Variants in CCDC88C observed in about 807,000 individuals in gnomAD.
CCDC88C encodes coiled-coil and HOOK domain protein 88C.
In CCDC88C, 131 loss-of-function variants were observed where a neutral mutation model predicts 198.8. That is an observed-to-expected ratio of 0.66 (90% confidence interval 0.57 to 0.76). CCDC88C has a LOEUF of 0.76. Among genes scored for constraint, CCDC88C ranks in the 30% least tolerant of loss-of-function variants. The probability of loss-of-function intolerance (pLI) is 0.00; values close to 1 mark genes in which losing one functional copy is unlikely to be tolerated. For missense variants in CCDC88C, 2,553 were observed against 2,631.6 expected (o/e 0.97, Z 0.65); for synonymous variants, 1,166 against 1,114.7 (o/e 1.05, Z -0.92).
At chr14:91,328,049 G>A (rs1227337506) in intron 10 of CCDC88C, among the ~76,000 whole-genome samples, 2 of 152,194 alleles carry the variant, frequency 1.3e-5, no homozygotes, top group Non-Finnish European at 2.9e-5. Flanking sequence ...GGACTGTTGT[G>A]CTTTTGCTCT....
At position 91,352,936 on chromosome 14, in the gene CCDC88C, G is replaced by A. The variant is rs1893881610; in HGVS notation, c.340+6706C>T. On this transcript the variant is annotated intron_variant, in intron 4 of 29. Transcript: ENST00000389857. This position sits in a 1 kb window ranked among gnomAD's most constrained non-coding sequence, Gnocchi z 4.2. ...CCTGTGCCTGGGTTGCCAGGATGGA[G>A]GTCAGTAAGCCTGGGGCACACCCAG... is the stretch of plus-strand genomic sequence containing the variant. 6.6e-6 allele frequency among the ~76,000 whole-genome samples: 1 copy of A among 152,208 alleles called. No homozygotes were observed. Among genetic ancestry groups the A allele is most frequent in the African/African-American group, 2.4e-5 (1 of 41,462 alleles).
chr14:91,291,715 G>A (rs991679597), intron 23 of CCDC88C, among the ~76,000 whole-genome samples: 6 of 152,130 alleles, frequency 3.9e-5, no homozygotes, highest in African/African-American at 1.4e-4. Context: ...GCACAGTGGG[G>A]CGGACTTCCC....
At chr14:91,383,316 C>A (rs931568989) in intron 3 of CCDC88C, among the ~76,000 whole-genome samples, 1 of 152,238 alleles carries the variant, frequency 6.6e-6, no homozygotes, top group Non-Finnish European at 1.5e-5. Context: ...GGCCATGCTG[C>A]CGTGGGGGGC....
chr14:91,410,924 G>C (rs942632853), intron 2 of CCDC88C, among the ~76,000 whole-genome samples: 19 of 152,202 alleles, frequency 1.2e-4, no homozygotes, highest in Admixed American at 1.2e-3. Flanking sequence ...TCCAGCACGT[G>C]CAAAGGCATA....
intron 27 of CCDC88C, 149 bp downstream of exon 27, chr14:91,281,308 C>T (rs1047867530): frequency 6.5e-7 from 1 of 1,528,880 alleles, no homozygotes; most frequent in African/African-American, 1.4e-5. Flanking sequence ...CGCTCAGCCC[C>T]CTGGGGAGGG....
In CCDC88C at chr14:91,307,059, C is replaced by CCGGTCCTT; in HGVS notation, c.3166_3173dup (p.Ala1059ArgfsTer21). On this transcript the variant is annotated frameshift_variant, in exon 18 of 30. Transcript: ENST00000389857. LOFTEE classifies it high-confidence loss of function. The stretch of plus-strand genomic sequence containing the variant: ...TCACATTCCGCTCCAGCTCGATGGC[C>CCGGTCCTT]CGGTCCTTCACTCGGAGAAGCTCCA... 1 of 1,613,158 alleles carries CCGGTCCTT rather than the reference C, an allele frequency of 6.2e-7. No individual in the cohort carries two copies. Among genetic ancestry groups the CCGGTCCTT allele is most frequent in the Non-Finnish European group, 8.5e-7 (1 of 1,179,470 alleles).
intron 13 of CCDC88C, among the ~76,000 whole-genome samples, chr14:91,317,927 C>T (rs958227498): frequency 9.9e-5 from 15 of 152,240 alleles, no homozygotes; most frequent in African/African-American, 3.4e-4. Context: ...TGGGCACCAC[C>T]CTGGTGACCT....
intron 29 of CCDC88C, among the ~76,000 whole-genome samples, chr14:91,277,709 C>G (rs141984447): frequency 0.015 from 2,342 of 152,338 alleles, 35 homozygotes; most frequent in Middle Eastern, 0.024. Flanking sequence ...AGCTCACTTC[C>G]CAGACCCAGG....
At chr14:91,362,674 A>G (rs927381706) in intron 3 of CCDC88C, among the ~76,000 whole-genome samples, 8 of 152,188 alleles carry the variant, frequency 5.3e-5, no homozygotes, top group Non-Finnish European at 7.3e-5. Context: ...TCACGCCTGT[A>G]ATCCCAGCAC....
intron 3 of CCDC88C, among the ~76,000 whole-genome samples, chr14:91,366,810 G>A (rs1448919626): frequency 6.6e-6 from 1 of 152,226 alleles, no homozygotes; most frequent in Non-Finnish European, 1.5e-5. Context: ...TGAAGACAGA[G>A]CCTCAGAGGT....
At position 91,338,103 on chromosome 14, in the gene CCDC88C, G is replaced by T. The variant is rs1370272637; in HGVS notation, c.952C>A (p.Leu318Met). ...TCCACGCGGTTCGCCTTCTCCCGCAGGGAATCCAGCTCGTCTCGATAGGCA... is the reference window on the plus strand; with the variant it reads ...TCCACGCGGTTCGCCTTCTCCCGCATGGAATCCAGCTCGTCTCGATAGGCA... ...ARAYRDELDS[L>M]REKANRVERL... The change falls in exon 10 of 30, where the codon CTG (leucine) becomes ATG (methionine). Residue 318 changes from leucine (L) to methionine (M), a missense_variant. By Grantham distance (15) the Leu-to-Met change is conservative. Transcript: ENST00000389857. This position sits in a 1 kb window ranked among gnomAD's most constrained non-coding sequence, Gnocchi z 4.8. 1 of 1,613,846 alleles carries T rather than the reference G, an allele frequency of 6.2e-7. No homozygotes were observed. Among genetic ancestry groups the T allele is most frequent in the Non-Finnish European group, 8.5e-7 (1 of 1,179,916 alleles).
At chr14:91,330,662 C>T (rs1892785986) in intron 10 of CCDC88C, among the ~76,000 whole-genome samples, 1 of 152,162 alleles carries the variant, frequency 6.6e-6, no homozygotes, top group Non-Finnish European at 1.5e-5. Context: ...CAAGGTGGCC[C>T]TGTGCTCTGG....
At position 91,325,783 on chromosome 14, in the gene CCDC88C, G is replaced by A; in HGVS notation, c.1197+127C>T. ...GAGATGGGGCCTCGCTAGGTTGCCA[G>A]GGTTAGAACTCCTGCGCTCAAGGGA... On this transcript the variant is annotated intron_variant, in intron 11 of 29. Transcript: ENST00000389857. This position sits in a 1 kb window ranked among gnomAD's most constrained non-coding sequence, Gnocchi z 4.1. The A allele has an allele frequency of 1.1e-6, 1 of 895,412 alleles. No individual in the cohort carries two copies. Among genetic ancestry groups the A allele is most frequent in the Non-Finnish European group, 1.7e-6 (1 of 601,520 alleles). 55.5% of individuals were successfully genotyped at this position (895,412 alleles called of 1,614,324 possible).
At chr14:91,363,853 T>A (rs1397842997) in intron 3 of CCDC88C, among the ~76,000 whole-genome samples, 1 of 152,204 alleles carries the variant, frequency 6.6e-6, no homozygotes, top group African/African-American at 2.4e-5. Context: ...TGGCCCTCAG[T>A]CTGGCAGGGA....
chr14:91,360,271 C>CACACACACACAA (rs1894249657), intron 3 of CCDC88C, among the ~76,000 whole-genome samples: 1 of 151,318 alleles, frequency 6.6e-6, no homozygotes, highest in South Asian at 2.1e-4. Flanking sequence ...CACACACACA[C>CACACACACACAA]ACACACACAC....
chr14:91,282,570 A>G (rs1362434482), intron 26 of CCDC88C, among the ~76,000 whole-genome samples: 3 of 152,100 alleles, frequency 2.0e-5, no homozygotes, highest in Non-Finnish European at 4.4e-5. Flanking sequence ...GTCACCCGGC[A>G]AGATCTGACT....
At chr14:91,370,790 G>T (rs934393261) in intron 3 of CCDC88C, among the ~76,000 whole-genome samples, 2 of 152,192 alleles carry the variant, frequency 1.3e-5, no homozygotes, top group African/African-American at 2.4e-5. Flanking sequence ...GCAGAGGGAT[G>T]CTGAGAATCT....
At chr14:91,401,257 A>T (rs1030585739) in intron 3 of CCDC88C, among the ~76,000 whole-genome samples, 12 of 144,586 alleles carry the variant, frequency 8.3e-5, no homozygotes, top group South Asian at 4.2e-4. Flanking sequence ...ATATTATATA[A>T]TATATACATT....
At chr14:91,390,033 C>T (rs1240095472) in intron 3 of CCDC88C, among the ~76,000 whole-genome samples, 2 of 151,006 alleles carry the variant, frequency 1.3e-5, no homozygotes, top group Non-Finnish European at 2.9e-5. Flanking sequence ...GATTGTGCCA[C>T]TGCACTCCAG....
Sources: allele counts gnomAD v4.1 joint callset (sites outside exome capture counted in the v4.1 genomes callset), GRCh38; gene constraint gnomAD v4.1.1; non-coding constraint Gnocchi (gnomAD v3.1); transcripts MANE v1.5; gene names NCBI Gene and HGNC (gene_info 2026-07-23, HGNC 2026-07-21).